The following KRT73 variants were observed in gnomAD, a reference collection of about 807,000 sequenced individuals.
The protein encoded by KRT73 is keratin 73, also known as keratin, type II cytoskeletal 73.
A neutral mutation model predicts 47.2 loss-of-function variants in KRT73; 44 were observed. The observed-to-expected ratio is 0.93, with a 90% confidence interval of 0.73 to 1.20. KRT73 has a LOEUF of 1.20. Among genes scored for constraint, KRT73 ranks in the 50% most tolerant of loss-of-function variants. The pLI is 0.00. For synonymous variants in KRT73, 285 were observed against 291.3 expected (o/e 0.98, Z 0.22); for missense variants, 713 against 704.5 (o/e 1.01, Z -0.14).
chr12:52,614,106 A>T, intron 4 of KRT73: 3 of 443,200 alleles, frequency 6.8e-6, no homozygotes, highest in Non-Finnish European at 8.0e-6. Flanking sequence ...GGAGTGGGGA[A>T]GGTGGAAGAC....
rs1309155281 is a variant in KRT73, at chr12:52,618,271, A to G, written c.254T>C (p.Met85Thr). The change falls in exon 1 of 9, where the codon ATG becomes ACG. Residue 85 changes from methionine (M) to threonine (T), a missense_variant. Physicochemically the swap from Met to Thr is moderately conservative, Grantham distance 81 (BLOSUM62 -1). Coordinates refer to ENST00000305748, the MANE Select transcript of KRT73 (RefSeq NM_175068.3). ...GGACCCCAAGGCCACACTGCCAAACATGCTGCCAGCAAAGCCACTGGCCCG... is the reference window on the plus strand; with the variant it reads ...GGACCCCAAGGCCACACTGCCAAACGTGCTGCCAGCAAAGCCACTGGCCCG... ...RGRASGFAGS[M>T]FGSVALGSVC... 1.2e-6 allele frequency: 2 copies of G among 1,614,160 alleles called. No individual in the cohort carries two copies. The highest frequency in any genetic ancestry group is 2.2e-5 in the South Asian group (2 of 91,078).
At chr12:52,627,552 C>G in the KRT73 span, among the ~76,000 whole-genome samples, 3 of 152,322 alleles carry the variant, frequency 2.0e-5, no homozygotes, top group Non-Finnish European at 2.9e-5. Context: ...AAACTGCCTT[C>G]TGAGCAAAGC....
chr12:52,618,685 G>T, upstream of KRT73: 1 of 688,756 alleles, frequency 1.5e-6, no homozygotes, highest in Non-Finnish European at 2.3e-6. Flanking sequence ...TTTTCTCCCA[G>T]CAAAATCAGA....
At chr12:52,612,330 C>A (rs1410594462) in intron 5 of KRT73, 4 of 152,214 alleles carry the variant, frequency 2.6e-5, no homozygotes, top group African/African-American at 9.7e-5. Context: ...TTGTTGTCAT[C>A]TATTAAACAG....
the KRT73 span, among the ~76,000 whole-genome samples, chr12:52,627,311 T>C: frequency 1.3e-5 from 2 of 152,216 alleles, no homozygotes; most frequent in Non-Finnish European, 2.9e-5. Context: ...GAAGTCTTGA[T>C]CACCCTTTTG....
intron 1 of KRT73, among the ~76,000 whole-genome samples, chr12:52,616,891 C>T (rs369839992): frequency 6.8e-4 from 104 of 152,328 alleles, no homozygotes; most frequent in African/African-American, 2.4e-3. Context: ...AAGTTGCTTT[C>T]ATGTCTGAAT....
At position 52,610,765 on chromosome 12, in the gene KRT73, G is replaced by A. The variant is rs781234639; in HGVS notation, c.1181C>T (p.Ala394Val). 1.0e-4 allele frequency: 165 copies of A among 1,613,714 alleles called. 1 individual carries two copies. The highest frequency in any genetic ancestry group is 1.3e-4 in the Non-Finnish European group (157 of 1,180,012). The change falls in exon 7 of 9, where the codon GCC becomes GTC. Residue 394 changes from alanine to valine, a missense_variant. By Grantham distance (64) the Ala-to-Val change is moderately conservative. Coordinates refer to ENST00000305748, the MANE Select transcript of KRT73 (RefSeq NM_175068.3). ...RGDCALKDAR[A>V]KLDELEGALQ... Reference sequence around the variant, plus strand: ...GGCGCCCTCCAGCTCATCCAGCTTGGCCCTGGCATCCTTGAGGGCACAGTC... The same window carrying A: ...GGCGCCCTCCAGCTCATCCAGCTTGACCCTGGCATCCTTGAGGGCACAGTC...
rs925507230 is a variant in KRT73, at chr12:52,618,355, A to T, written c.170T>A (p.Ile57Asn). The stretch of plus-strand genomic sequence containing the variant: ...ACTGCCACTGGCCACATTGAAAGAG[A>T]TGCTCCGGGCACCCCCCAGGCTGTA... Reference protein sequence around the residue: ...SLYSLGGARSISFNVASGSGW... With the variant: ...SLYSLGGARSNSFNVASGSGW... Residue 57 changes from isoleucine to asparagine, a missense_variant, in exon 1 of 9, where the codon ATC becomes AAC. By Grantham distance (149) the Ile-to-Asn change is moderately radical. Coordinates refer to ENST00000305748, the MANE Select transcript of KRT73 (RefSeq NM_175068.3). 1.2e-6 allele frequency: 2 copies of T among 1,613,962 alleles called. No homozygotes were observed. The highest frequency in any genetic ancestry group is 1.7e-6 in the Non-Finnish European group (2 of 1,180,036).
At chr12:52,621,398 G>A (rs1940905131), upstream of KRT73, among the ~76,000 whole-genome samples, 1 of 152,018 alleles carries the variant, frequency 6.6e-6, no homozygotes, top group Non-Finnish European at 1.5e-5. Context: ...TTCCCTATGT[G>A]GATATTCCAC....
Position 52,618,289 on chromosome 12 carries a change from C to A in KRT73, c.236G>T (p.Ser79Ile). Reference protein sequence around the residue: ...GGYGFGRGRASGFAGSMFGSV... With the variant: ...GGYGFGRGRAIGFAGSMFGSV... The stretch of plus-strand genomic sequence containing the variant: ...GCCAAACATGCTGCCAGCAAAGCCA[C>A]TGGCCCGGCCCCGGCCAAATCCATA... Residue 79 changes from serine to isoleucine, a missense_variant, in exon 1 of 9, where the codon AGT becomes ATT. Ser to Ile is a moderately radical substitution (Grantham distance 142, BLOSUM62 -2). Coordinates refer to ENST00000305748, the MANE Select transcript of KRT73 (RefSeq NM_175068.3). 1 of 1,614,222 alleles carries A rather than the reference C, an allele frequency of 6.2e-7. No homozygotes were observed. Among genetic ancestry groups the A allele is most frequent in the East Asian group, 2.2e-5 (1 of 44,880 alleles).
Position 52,618,249 on chromosome 12 carries a change from C to T in KRT73, c.276G>A (p.Gly92=). 1 of 1,614,206 alleles carries T rather than the reference C, an allele frequency of 6.2e-7. No individual in the cohort carries two copies. Among genetic ancestry groups the T allele is most frequent in the East Asian group, 2.2e-5 (1 of 44,876 alleles). ...GCGGGCACAACGACGGACACACGGACCCCAAGGCCACACTGCCAAACATGC... is the reference window on the plus strand; with the variant it reads ...GCGGGCACAACGACGGACACACGGATCCCAAGGCCACACTGCCAAACATGC... ...AGSMFGSVAL[G]SVCPSLCPPG... Residue 92 remains glycine, a synonymous_variant, in exon 1 of 9, where the codon GGG becomes GGA. Transcript: ENST00000305748.
At chr12:52,614,049 A>G in intron 4 of KRT73, 197 bp from the exon 5 acceptor site, 2 of 698,980 alleles carry the variant, frequency 2.9e-6, no homozygotes, top group Non-Finnish European at 2.2e-6. Context: ...GGTTTGAAGC[A>G]GCCCAGGAAG....
upstream of KRT73, chr12:52,618,692 C>G (rs1940861530): frequency 4.6e-6 from 3 of 658,812 alleles, no homozygotes; most frequent in East Asian, 8.5e-5. Context: ...CCAGCAAAAT[C>G]AGACACCAGG....
Position 52,618,393 on chromosome 12 carries a change from G to A in KRT73, c.132C>T (p.Ser44=), listed in dbSNP as rs745407672. 5 of 1,614,174 alleles carry A rather than the reference G, an allele frequency of 3.1e-6. No homozygotes were observed. Among genetic ancestry groups the A allele is most frequent in the African/African-American group, 1.3e-5 (1 of 75,072 alleles). The change falls in exon 1 of 9, where the codon AGC becomes AGT. Residue 44 remains serine (S), a synonymous_variant. Transcript: ENST00000305748. ...AGGKGLSGGF[S]SRSLYSLGGA... ...CCCCCAGGCTGTAAAGGCTCCGACT[G>A]CTGAAGCCTCCACTGAGCCCTTTGC... is the stretch of plus-strand genomic sequence containing the variant.
At chr12:52,612,958 C>T (rs1940733614) in intron 5 of KRT73, 1 of 152,202 alleles carries the variant, frequency 6.6e-6, no homozygotes, top group African/African-American at 2.4e-5. Context: ...ATGTGGAAGG[C>T]TTTGGGGACT....
chr12:52,626,651 G>A, the KRT73 span, among the ~76,000 whole-genome samples: 1 of 152,144 alleles, frequency 6.6e-6, no homozygotes, highest in Non-Finnish European at 1.5e-5. Context: ...CTACTTCTGT[G>A]AAAGGAGAAA....
intron 2 of KRT73, among the ~76,000 whole-genome samples, 173 bp from the exon 3 acceptor site, chr12:52,615,512 C>G (rs1261274302): frequency 6.6e-6 from 1 of 152,162 alleles, no homozygotes; most frequent in Non-Finnish European, 1.5e-5. Context: ...AGTTGGAGGC[C>G]GGGTATGAAG....
intron 7 of KRT73, chr12:52,609,913 T>C (rs1370062371): frequency 1.3e-5 from 2 of 153,132 alleles, no homozygotes; most frequent in African/African-American, 4.8e-5. Flanking sequence ...AAAGTAGCAG[T>C]AAAAATAAAT....
At chr12:52,610,529 GCCC>G in intron 7 of KRT73, 83 bp downstream of exon 7, 6 of 295,142 alleles carry the variant, frequency 2.0e-5, no homozygotes, top group Admixed American at 4.4e-5. Flanking sequence ...CCAGCTCGCC[GCCC>G]CCTCCCCCCC....
Sources: gnomAD v4.1 joint callset for allele counts (sites outside exome capture counted in the v4.1 genomes callset) on GRCh38, gnomAD v4.1.1 for gene constraint, MANE v1.5 for transcripts, NCBI Gene and HGNC (gene_info 2026-07-23, HGNC 2026-07-21) for gene names.